Variants in RPS6KA2 observed in about 807,000 individuals in gnomAD.
RPS6KA2 encodes ribosomal protein S6 kinase A2, also known as ribosomal protein S6 kinase alpha-2.
Under a neutral mutation model 91.8 loss-of-function variants are expected in RPS6KA2, and 42 were observed. The observed-to-expected ratio is 0.46, with a 90% CI of 0.36 to 0.59. The LOEUF (loss-of-function observed/expected upper bound fraction) is 0.59. Ranked by LOEUF, RPS6KA2 falls within the 20% of genes least tolerant of loss-of-function variation. RPS6KA2 has a pLI of 0.00. For synonymous variants in RPS6KA2, 414 were observed against 393.6 expected (o/e 1.05, Z -0.61); for missense variants, 798 against 978.5 (o/e 0.82, Z 2.46).
chr6:166,816,182 G>C (rs1779755369), intron 2 of RPS6KA2, among the ~76,000 whole-genome samples: 1 of 152,014 alleles, frequency 6.6e-6, no homozygotes, highest in South Asian at 2.1e-4. Context: ...TCCTAACCAT[G>C]TACATCATAT....
intron 1 of RPS6KA2, among the ~76,000 whole-genome samples, chr6:166,595,571 C>A (rs954241428): frequency 7.9e-5 from 12 of 152,208 alleles, no homozygotes; most frequent in African/African-American, 2.9e-4. Context: ...GTGCTGCAGT[C>A]ACAGCTGGTT....
intron 2 of RPS6KA2, among the ~76,000 whole-genome samples, chr6:166,798,124 C>A (rs1331184106): frequency 6.6e-6 from 1 of 152,202 alleles, no homozygotes; most frequent in Non-Finnish European, 1.5e-5. Flanking sequence ...TCCATTCCAC[C>A]ATTCGCCCTC....
intron 2 of RPS6KA2, among the ~76,000 whole-genome samples, chr6:166,774,857 T>G (rs776307258): frequency 1.8e-4 from 27 of 152,058 alleles, no homozygotes; most frequent in Admixed American, 2.6e-4. Context: ...CATGTGTGCT[T>G]CTTGTCTGTG....
chr6:166,424,608 C>A (rs1175343859), intron 16 of RPS6KA2, among the ~76,000 whole-genome samples: 1 of 152,182 alleles, frequency 6.6e-6, no homozygotes, highest in Admixed American at 6.5e-5. Context: ...GCCACCTACT[C>A]ATGTGTGACC....
At chr6:166,761,588 G>A (rs187404411) in intron 2 of RPS6KA2, among the ~76,000 whole-genome samples, 7 of 152,324 alleles carry the variant, frequency 4.6e-5, no homozygotes, top group East Asian at 1.9e-4. Context: ...ACGACACAGC[G>A]GAAAGCATCT....
intron 2 of RPS6KA2, among the ~76,000 whole-genome samples, chr6:166,684,536 T>C (rs112720595): frequency 0.012 from 1,875 of 152,168 alleles, 36 homozygotes; most frequent in African/African-American, 0.043. Context: ...GCCAAGACCC[T>C]TTGAAGGCTA....
chr6:166,638,030 C>T (rs529061547), intron 2 of RPS6KA2, among the ~76,000 whole-genome samples: 2 of 152,390 alleles, frequency 1.3e-5, no homozygotes, highest in Admixed American at 6.5e-5. Context: ...AGCCAGCCTT[C>T]GCCCAGGGGC....
In RPS6KA2 at chr6:166,423,279, T is replaced by G; in HGVS notation, c.1720A>C (p.Thr574Pro). Residue 574 changes from threonine to proline, a missense_variant, in exon 17 of 21, where the codon ACG becomes CCG. By Grantham distance (38) the Thr-to-Pro change is conservative. Transcript: ENST00000265678. The surrounding 1 kb of genome is among the most constrained non-coding windows in gnomAD (Gnocchi z 4.8). ...ACCTCCGGGGCCACGAAATTGGCCG[T>G]GTAGCAGGGTGTCATGAGCAGCCCG... is the stretch of plus-strand genomic sequence containing the variant. Reference protein sequence around the residue: ...GNGLLMTPCYTANFVAPEVLK... With the variant: ...GNGLLMTPCYPANFVAPEVLK... 6.2e-7 allele frequency: 1 copy of G among 1,613,396 alleles called. No homozygotes were observed. Among genetic ancestry groups the G allele is most frequent in the Non-Finnish European group, 8.5e-7 (1 of 1,179,522 alleles).
chr6:166,680,159 A>G (rs1788747915), intron 2 of RPS6KA2, among the ~76,000 whole-genome samples: 1 of 152,206 alleles, frequency 6.6e-6, no homozygotes, highest in African/African-American at 2.4e-5. Context: ...CGCACCAATC[A>G]GCACTCTGTG....
chr6:166,486,247 C>A (rs1351933657), intron 10 of RPS6KA2, among the ~76,000 whole-genome samples: 1 of 62,104 alleles, frequency 1.6e-5, no homozygotes, highest in Non-Finnish European at 3.1e-5. Flanking sequence ...ACCCCACACA[C>A]AGCTGTGAGC....
At position 166,500,627 on chromosome 6, in the gene RPS6KA2, C is replaced by T. The variant is rs376318313; in HGVS notation, c.604+260G>A. ...GACTCCTGAACTAAACACCCAGCGA[C>T]GCTGAAGGAGCCCAGCAAACAGAAC... is the stretch of plus-strand genomic sequence containing the variant. On this transcript the variant is annotated intron_variant, in intron 7 of 20. Transcript: ENST00000265678. This position sits in a 1 kb window ranked among gnomAD's most constrained non-coding sequence, Gnocchi z 4.3. Among the ~76,000 whole-genome samples, 13 of 152,254 alleles carry T rather than the reference C, an allele frequency of 8.5e-5. No individual in the cohort carries two copies. The highest frequency in any genetic ancestry group is 4.1e-4 in the South Asian group (2 of 4,826).
intron 2 of RPS6KA2, among the ~76,000 whole-genome samples, chr6:166,719,551 T>C (rs535476099): frequency 1.3e-5 from 2 of 152,380 alleles, no homozygotes; most frequent in African/African-American, 4.8e-5. Flanking sequence ...TCTGTGACGA[T>C]GTATCTATGA....
chr6:166,847,648 A>G (rs1425495884), intron 2 of RPS6KA2, among the ~76,000 whole-genome samples: 3 of 152,340 alleles, frequency 2.0e-5, no homozygotes, highest in African/African-American at 7.2e-5. Flanking sequence ...AAACAAAAAC[A>G]TAAAGTAGGG....
rs76762229 is a variant in RPS6KA2 at position 166,739,707 on chromosome 6, G to A, written c.123+118493C>T. Among the ~76,000 whole-genome samples the A allele has an allele frequency of 4.0e-3, 604 of 152,332 alleles. 3 individuals are homozygous for A. The highest frequency in any genetic ancestry group is 0.013 in the African/African-American group (560 of 41,574). On this transcript the variant is annotated intron_variant, in intron 2 of 21. Transcript: ENST00000503859. ...CTCTGTCTGTGCCAATGCAGCCTCC[G>A]CCTAAAAGACTCCGGTGATGGGAGA...
rs572181898 is a variant in RPS6KA2 at position 166,733,077 on chromosome 6, G to A, written c.123+125123C>T. Among the ~76,000 whole-genome samples, 9 of 152,294 alleles carry A rather than the reference G, an allele frequency of 5.9e-5. No homozygotes were observed. The highest frequency in any genetic ancestry group is 1.2e-4 in the African/African-American group (5 of 41,564). On this transcript the variant is annotated intron_variant, in intron 2 of 21. Transcript: ENST00000503859. The surrounding 1 kb of genome is among the most constrained non-coding windows in gnomAD (Gnocchi z 4.1). ...CAGAAGCTTTCACGAGCCTAAGGGT[G>A]AGATGCTCTGCCCCCTGTGGATCGA...
intron 2 of RPS6KA2, among the ~76,000 whole-genome samples, chr6:166,537,796 G>A (rs894369145): frequency 1.3e-5 from 2 of 152,198 alleles, no homozygotes; most frequent in African/African-American, 4.8e-5. Flanking sequence ...TGTAAGGAAC[G>A]GTTGGCTTCA....
intron 1 of RPS6KA2, among the ~76,000 whole-genome samples, chr6:166,620,485 T>C (rs1230038017): frequency 2.0e-5 from 3 of 152,242 alleles, no homozygotes; most frequent in Non-Finnish European, 4.4e-5. Context: ...CCACGAATTA[T>C]GTTTAAAATG....
intron 2 of RPS6KA2, among the ~76,000 whole-genome samples, chr6:166,681,220 C>T (rs1788798080): frequency 6.6e-6 from 1 of 152,208 alleles, no homozygotes; most frequent in African/African-American, 2.4e-5. Context: ...AACACTGTAT[C>T]TTAGAAATTT....
intron 2 of RPS6KA2, among the ~76,000 whole-genome samples, chr6:166,677,368 T>G (rs1488874870): frequency 1.3e-5 from 2 of 152,022 alleles, no homozygotes; most frequent in Non-Finnish European, 2.9e-5. Context: ...ATCAGTTTTT[T>G]TTTTTTTTTT....
Sources: allele counts gnomAD v4.1 joint callset (sites outside exome capture counted in the v4.1 genomes callset), GRCh38; gene constraint gnomAD v4.1.1; non-coding constraint Gnocchi (gnomAD v3.1); transcripts MANE v1.5; gene names NCBI Gene and HGNC (gene_info 2026-07-23, HGNC 2026-07-21).